Variants in METTL15 observed in about 807,000 individuals in gnomAD.
The protein encoded by METTL15 is methyltransferase 15, mitochondrial 12S rRNA N4-cytidine.
In METTL15, 34 loss-of-function variants were observed where a neutral mutation model predicts 38.3. The observed-to-expected ratio is 0.89, with a 90% CI of 0.68 to 1.18. METTL15 has a LOEUF of 1.18. METTL15 is among the 50% of genes most tolerant of loss of function. The pLI is 0.00. For synonymous variants in METTL15, 162 were observed against 170.9 expected, an observed-to-expected ratio of 0.95 and a Z score of 0.41; for missense variants, 438 against 498.4, an observed-to-expected ratio of 0.88 and a Z score of 1.15.
At chr11:28,453,441 C>T (rs1851140246) in intron 6 of METTL15, among the ~76,000 whole-genome samples, 1 of 152,238 alleles carries the variant, frequency 6.6e-6, no homozygotes, top group South Asian at 2.1e-4. Context: ...TATCACTTCT[C>T]TTCTGCTCTG....
intron 5 of METTL15, among the ~76,000 whole-genome samples, chr11:28,391,303 G>C (rs1295739519): frequency 2.0e-5 from 3 of 152,062 alleles, no homozygotes; most frequent in South Asian, 2.1e-4. Flanking sequence ...TCCGTGTCTT[G>C]TGCCAGTTTT....
chr11:28,173,207 C>G (rs2133766419), intron 3 of METTL15, among the ~76,000 whole-genome samples: 1 of 152,076 alleles, frequency 6.6e-6, no homozygotes, highest in East Asian at 1.9e-4. Context: ...TTGTGTTCCC[C>G]ACAAATTCAT....
At chr11:28,516,381 C>T (rs1180555946) in intron 6 of METTL15, among the ~76,000 whole-genome samples, 1 of 152,112 alleles carries the variant, frequency 6.6e-6, no homozygotes, top group African/African-American at 2.4e-5. Flanking sequence ...TGGGCACTGT[C>T]ATGAAGCTCA....
chr11:28,329,013 C>T (rs1849729793), intron 6 of METTL15, among the ~76,000 whole-genome samples: 2 of 152,036 alleles, frequency 1.3e-5, no homozygotes, highest in South Asian at 2.1e-4. Flanking sequence ...ATTTTGGTGT[C>T]ATATCTAAGA....
intron 3 of METTL15, among the ~76,000 whole-genome samples, chr11:28,142,882 A>G (rs550814940): frequency 7.0e-4 from 107 of 152,264 alleles, no homozygotes; most frequent in Admixed American, 1.6e-3. Flanking sequence ...GCAACAGTAG[A>G]TGAAAGGAGA....
chr11:28,476,767 G>A (rs1851350265), intron 6 of METTL15, among the ~76,000 whole-genome samples: 1 of 152,176 alleles, frequency 6.6e-6, no homozygotes, highest in Non-Finnish European at 1.5e-5. Flanking sequence ...GCTAACCAGT[G>A]ATCTATGGTG....
chr11:28,203,310 A>G (rs1365609931), intron 3 of METTL15, among the ~76,000 whole-genome samples: 7 of 152,084 alleles, frequency 4.6e-5, no homozygotes. Context: ...ATAGGTGGAC[A>G]TTTATACTAA....
intron 6 of METTL15, among the ~76,000 whole-genome samples, chr11:28,324,024 A>G (rs1849554756): frequency 6.6e-6 from 1 of 152,174 alleles, no homozygotes; most frequent in African/African-American, 2.4e-5. Context: ...GGTTTAGTGC[A>G]CGCTTACTTT....
At position 28,458,943 on chromosome 11, in the gene METTL15, T is replaced by A. The variant is rs79747048; in HGVS notation, c.*424+34579T>A. On this transcript the variant is annotated intron_variant and NMD_transcript_variant, in intron 6 of 7. Transcript: ENST00000532947. ...TCACTTTTTGTTCTCCCTAAGACTGTGATCTTTTTAATCAACCTGACATGT... is the reference window on the plus strand; with the variant it reads ...TCACTTTTTGTTCTCCCTAAGACTGAGATCTTTTTAATCAACCTGACATGT... Among the ~76,000 whole-genome samples the A allele has an allele frequency of 7.0e-3, 1,063 of 152,334 alleles. 10 individuals are homozygous for A. Among genetic ancestry groups the A allele is most frequent in the African/African-American group, 0.023 (946 of 41,576 alleles).
chr11:28,126,599 A>G (rs866941761), intron 3 of METTL15, among the ~76,000 whole-genome samples: 4 of 152,138 alleles, frequency 2.6e-5, no homozygotes, highest in African/African-American at 9.7e-5. Flanking sequence ...GATAGGGAGA[A>G]ATTAAAAAAT....
intron 5 of METTL15, among the ~76,000 whole-genome samples, chr11:28,392,875 A>G (rs1165486505): frequency 6.6e-6 from 1 of 152,176 alleles, no homozygotes; most frequent in African/African-American, 2.4e-5. Context: ...AAGAAGATAT[A>G]CAAATGGCTA....
Position 28,464,086 on chromosome 11 carries a change from A to G in METTL15, c.*424+39722A>G, listed in dbSNP as rs141135727. On this transcript the variant is annotated intron_variant and NMD_transcript_variant, in intron 6 of 7. Coordinates refer to the METTL15 transcript ENST00000532947. ...GCAAAGTTGAATCGTGTTTGATTACATTTTACCTTAGAAGAAAGGAAAGAA... is the reference window on the plus strand; with the variant it reads ...GCAAAGTTGAATCGTGTTTGATTACGTTTTACCTTAGAAGAAAGGAAAGAA... Among the ~76,000 whole-genome samples, 775 of 152,242 alleles carry G rather than the reference A, an allele frequency of 5.1e-3. 7 individuals are homozygous for G. The highest frequency in any genetic ancestry group is 0.017 in the African/African-American group (726 of 41,546).
chr11:28,233,463 A>AT (rs558882235), intron 4 of METTL15, among the ~76,000 whole-genome samples: 30 of 149,578 alleles, frequency 2.0e-4, no homozygotes, highest in Non-Finnish European at 3.0e-4. Flanking sequence ...ACTGTGGCTA[A>AT]TTTTTTTTTT....
chr11:28,140,484 G>A (rs1036698017), intron 3 of METTL15, among the ~76,000 whole-genome samples: 6 of 152,106 alleles, frequency 3.9e-5, no homozygotes, highest in African/African-American at 1.4e-4. Flanking sequence ...AAAAGTCTGA[G>A]GAGGAGAAGA....
intron 6 of METTL15, among the ~76,000 whole-genome samples, chr11:28,479,838 T>C (rs1425278381): frequency 1.3e-5 from 2 of 152,200 alleles, no homozygotes; most frequent in Non-Finnish European, 2.9e-5. Context: ...ATAAAGTATG[T>C]GCACTACACA....
At chr11:28,282,998 C>T (rs570169837) in intron 4 of METTL15, among the ~76,000 whole-genome samples, 1 of 152,214 alleles carries the variant, frequency 6.6e-6, no homozygotes, top group South Asian at 2.1e-4. Flanking sequence ...ATGTTTTTCT[C>T]AGTTGTGTAT....
intron 3 of METTL15, among the ~76,000 whole-genome samples, chr11:28,203,011 C>A (rs1179924670): frequency 2.0e-5 from 3 of 151,902 alleles, no homozygotes; most frequent in Non-Finnish European, 2.9e-5. Context: ...GCAAGATGAT[C>A]TTGGGCAAAT....
At chr11:28,459,629 G>T (rs1851198234) in intron 6 of METTL15, among the ~76,000 whole-genome samples, 1 of 152,140 alleles carries the variant, frequency 6.6e-6, no homozygotes, top group Admixed American at 6.6e-5. Flanking sequence ...TCCCTTAAAT[G>T]AATGTTACCC....
At chr11:28,346,993 C>A (rs1447510706) in intron 3 of METTL15, among the ~76,000 whole-genome samples, 2 of 152,134 alleles carry the variant, frequency 1.3e-5, no homozygotes, top group Non-Finnish European at 2.9e-5. Flanking sequence ...TGGCTCAGCT[C>A]AAAAATGTCT....
Sources: gnomAD v4.1 joint callset for allele counts (sites outside exome capture counted in the v4.1 genomes callset) on GRCh38, gnomAD v4.1.1 for gene constraint, MANE v1.5 for transcripts, NCBI Gene and HGNC (gene_info 2026-07-23, HGNC 2026-07-21) for gene names.